Variants in COL4A4 observed in about 807,000 individuals in gnomAD.
The protein encoded by COL4A4 is collagen alpha-4(IV) chain.
A neutral mutation model predicts 192.9 loss-of-function variants in COL4A4; 105 were observed. The ratio of observed to expected loss-of-function variants is 0.54; its 90% CI spans 0.46 to 0.64. The LOEUF is 0.64. COL4A4 is among the 30% of genes least tolerant of loss of function. The pLI, the probability that COL4A4 is intolerant of heterozygous loss-of-function variation, is 0.00. For missense variants in COL4A4, 1,967 were observed against 2,169.3 expected (o/e 0.91, Z 1.85); for synonymous variants, 762 against 769.9 (o/e 0.99, Z 0.17).
At position 227,005,544 on chromosome 2, in the gene COL4A4, A is replaced by G. The variant is rs1961913345; in HGVS notation, c.*1781T>C. ...AATGAACTAGGAAATATTCTGCTAC[A>G]TCAAGAAAATATTTCATCTTAAAAT... is the stretch of plus-strand genomic sequence containing the variant. On this transcript the variant is annotated 3_prime_UTR_variant, in exon 48 of 48. Coordinates refer to ENST00000396625, the MANE Select transcript of COL4A4 (RefSeq NM_000092.5). 6.6e-6 allele frequency: 1 copy of G among 152,264 alleles called. No homozygotes were observed. The highest frequency in any genetic ancestry group is 2.4e-5 in the African/African-American group (1 of 41,476). 9.4% of individuals were successfully genotyped at this position (152,264 alleles called of 1,614,324 possible).
chr2:227,142,443 C>T (rs929690730), intron 3 of COL4A4, among the ~76,000 whole-genome samples: 1 of 152,128 alleles, frequency 6.6e-6, no homozygotes, highest in African/African-American at 2.4e-5. Context: ...TATTGTTAAA[C>T]ATATATTTGT....
chr2:227,031,004 T>G (rs1968211196), intron 40 of COL4A4, among the ~76,000 whole-genome samples: 2 of 148,930 alleles, frequency 1.3e-5, no homozygotes, highest in African/African-American at 5.0e-5. Context: ...ATAAGATGGA[T>G]GGATGGATGG....
chr2:227,043,257 C>T, intron 35 of COL4A4, 73 bp from the exon 36 acceptor site: 1 of 1,227,692 alleles, frequency 8.1e-7, no homozygotes, highest in Non-Finnish European at 1.2e-6. Flanking sequence ...AAGTTCAGCC[C>T]ACCCTATTCT....
chr2:227,024,277 G>A (rs1008246564), intron 43 of COL4A4, among the ~76,000 whole-genome samples: 5 of 152,222 alleles, frequency 3.3e-5, no homozygotes, highest in Admixed American at 6.5e-5. Flanking sequence ...TTGGGAGGCC[G>A]AGGCGGGTGG....
the COL4A4 span, among the ~76,000 whole-genome samples, chr2:226,990,916 C>T: frequency 1.3e-4 from 20 of 152,162 alleles, no homozygotes; most frequent in Admixed American, 1.1e-3. Context: ...AGGGCCGTTT[C>T]ACCCAGGCCT....
At chr2:227,000,995 CTCTT>C (rs1340859777), downstream of COL4A4, among the ~76,000 whole-genome samples, 2 of 152,108 alleles carry the variant, frequency 1.3e-5, no homozygotes, top group African/African-American at 2.4e-5. Flanking sequence ...TCCAATAAAC[CTCTT>C]TCTTTTGTAA....
At chr2:227,037,822 A>T (rs1969993205) in intron 37 of COL4A4, among the ~76,000 whole-genome samples, 1 of 152,122 alleles carries the variant, frequency 6.6e-6, no homozygotes, top group African/African-American at 2.4e-5. Flanking sequence ...TTTGATTTGC[A>T]TTTCTCTAAT....
chr2:226,993,430 C>A, the COL4A4 span, among the ~76,000 whole-genome samples: 41 of 152,144 alleles, frequency 2.7e-4, no homozygotes, highest in Admixed American at 4.6e-4. Flanking sequence ...TAAGACCAGT[C>A]TTTTTAAAAA....
intron 12 of COL4A4, among the ~76,000 whole-genome samples, chr2:227,106,212 T>C (rs2060835776): frequency 6.6e-6 from 1 of 152,104 alleles, no homozygotes; most frequent in Non-Finnish European, 1.5e-5. Context: ...AATAAACCAT[T>C]GAACAAGCAC....
At chr2:227,125,501 A>C (rs1418947220) in intron 4 of COL4A4, among the ~76,000 whole-genome samples, 1 of 150,952 alleles carries the variant, frequency 6.6e-6, no homozygotes, top group Non-Finnish European at 1.5e-5. Flanking sequence ...GAGCCACTGC[A>C]CCCTGCCCAT....
chr2:227,080,660 G>A, intron 23 of COL4A4, 111 bp from the exon 24 acceptor site: 1 of 887,852 alleles, frequency 1.1e-6, no homozygotes, highest in African/African-American at 1.7e-5. Context: ...GTAGTTTCCT[G>A]TGTATCTCAA....
intron 4 of COL4A4, among the ~76,000 whole-genome samples, chr2:227,131,455 C>G (rs2125166776): frequency 6.6e-6 from 1 of 151,918 alleles, no homozygotes; most frequent in East Asian, 1.9e-4. Context: ...CTACCCTGCC[C>G]CTGTCTGCTT....
intron 8 of COL4A4, among the ~76,000 whole-genome samples, chr2:227,112,860 A>C (rs1456788449): frequency 1.3e-5 from 2 of 152,228 alleles, no homozygotes; most frequent in African/African-American, 4.8e-5. Context: ...TATATCTTCA[A>C]GGTTCATCCA....
At chr2:227,017,427 C>T (rs549068921) in intron 44 of COL4A4, among the ~76,000 whole-genome samples, 2 of 152,194 alleles carry the variant, frequency 1.3e-5, no homozygotes, top group Non-Finnish European at 2.9e-5. Flanking sequence ...CAAAACAAAC[C>T]CTCCAGTGTT....
chr2:227,043,089 G>A lies in COL4A4; in HGVS notation c.3385C>T (p.Pro1129Ser). ...CCTTTCAAGGTACCTGGGCACCCTG[G>A]TGGTCCAGAGGAGCCAGGTGGCCCT... ...RPGPPGSSGP[P>S]GCPGDHGMPG... The change falls in exon 36 of 48, where the codon CCA becomes TCA. Residue 1129 changes from proline to serine, a missense_variant. Physicochemically the swap from Pro to Ser is moderately conservative, Grantham distance 74 (BLOSUM62 -1). Coordinates refer to ENST00000396625, the MANE Select transcript of COL4A4 (RefSeq NM_000092.5). 4 of 1,613,134 alleles carry A rather than the reference G, an allele frequency of 2.5e-6. No individual in the cohort carries two copies. The highest frequency in any genetic ancestry group is 3.4e-6 in the Non-Finnish European group (4 of 1,179,662).
intron 1 of COL4A4, among the ~76,000 whole-genome samples, chr2:227,148,312 T>C (rs1426485591): frequency 6.6e-6 from 1 of 152,266 alleles, no homozygotes; most frequent in Non-Finnish European, 1.5e-5. Flanking sequence ...AATGGAGTAT[T>C]ATTCAGCCAT....
At chr2:227,092,724 T>C (rs1484359438) in intron 20 of COL4A4, among the ~76,000 whole-genome samples, 1 of 152,144 alleles carries the variant, frequency 6.6e-6, no homozygotes, top group African/African-American at 2.4e-5. Flanking sequence ...GAATGGCCCT[T>C]ATATAACCAA....
chr2:227,109,699 A>G (rs2061079830), intron 9 of COL4A4, among the ~76,000 whole-genome samples: 1 of 151,348 alleles, frequency 6.6e-6, no homozygotes, highest in Non-Finnish European at 1.5e-5. Flanking sequence ...GTGAGCCGAG[A>G]TTGTGCCACT....
chr2:226,978,146 G>A, the COL4A4 span, among the ~76,000 whole-genome samples: 1 of 152,088 alleles, frequency 6.6e-6, no homozygotes, highest in African/African-American at 2.4e-5. Flanking sequence ...CCCTTAATCT[G>A]TCTTCAGATC....
Sources: gnomAD v4.1 joint callset for allele counts (sites outside exome capture counted in the v4.1 genomes callset) on GRCh38, gnomAD v4.1.1 for gene constraint, MANE v1.5 for transcripts, NCBI Gene and HGNC (gene_info 2026-07-23, HGNC 2026-07-21) for gene names.